The following PHACTR3 variants were observed in gnomAD, a reference collection of about 807,000 sequenced individuals.
PHACTR3 encodes the protein protein phosphatase 1, regulatory subunit 123.
PHACTR3 carries 16 observed loss-of-function variants against 66.8 expected under a neutral mutation model. The observed-to-expected ratio is 0.24, with a 90% CI of 0.16 to 0.36. The LOEUF (loss-of-function observed/expected upper bound fraction) is 0.36. PHACTR3 is among the 10% of genes least tolerant of loss of function. The pLI is 1.00. For missense variants in PHACTR3, 647 were observed against 719.9 expected (o/e 0.90, Z 1.16); for synonymous variants, 323 against 292.1 (o/e 1.11, Z -1.08).
intron 1 of PHACTR3, among the ~76,000 whole-genome samples, chr20:59,653,219 C>T (rs2035513623): frequency 1.3e-5 from 2 of 148,738 alleles, no homozygotes; most frequent in Admixed American, 6.7e-5. Context: ...GAGTCTTGCT[C>T]TGGCACCCAG....
intron 1 of PHACTR3, among the ~76,000 whole-genome samples, chr20:59,705,092 G>A (rs2037652511): frequency 6.6e-6 from 1 of 151,954 alleles, no homozygotes; most frequent in African/African-American, 2.4e-5. Flanking sequence ...AAGTAGCTGG[G>A]ATTACAGGTG....
intron 1 of PHACTR3, among the ~76,000 whole-genome samples, chr20:59,689,705 T>A (rs897113644): frequency 2.9e-4 from 44 of 152,160 alleles, no homozygotes; most frequent in African/African-American, 9.7e-4. Context: ...ATCCCTCTTG[T>A]AGAGTTCCAG....
rs2033603701 is a variant in PHACTR3, at chr20:59,604,903, T to G, written c.-112T>G. ...TTTTTTTTTTTTTTTTTTTTTTAAT[T>G]TTCTTTTTTAAAAAGACGCCCCCTC... On this transcript the variant is annotated 5_prime_UTR_variant, in exon 1 of 13. It adds an upstream start codon to the 5' untranslated region. Transcript: ENST00000371015. The G allele has an allele frequency of 9.0e-7, 1 of 1,111,370 alleles. No homozygotes were observed. The highest frequency in any genetic ancestry group is 1.1e-6 in the Non-Finnish European group (1 of 911,092). The allele number at this position is 1,111,370 out of a possible 1,614,324, so 68.8% of individuals were successfully genotyped here.
intron 1 of PHACTR3, among the ~76,000 whole-genome samples, chr20:59,650,363 A>G (rs1021475497): frequency 4.6e-5 from 7 of 151,922 alleles, no homozygotes; most frequent in Non-Finnish European, 1.0e-4. Flanking sequence ...TGTCTTTTGC[A>G]TTATATTGAT....
intron 6 of PHACTR3, 63 bp from the exon 7 acceptor site, chr20:59,774,180 C>A (rs202149173): frequency 1.2e-4 from 182 of 1,516,988 alleles, no homozygotes; most frequent in Non-Finnish European, 1.5e-4. Flanking sequence ...GCTCCAAAGT[C>A]AATCGTGCTG....
chr20:59,750,106 C>T (rs2146798179), intron 3 of PHACTR3, among the ~76,000 whole-genome samples: 1 of 152,178 alleles, frequency 6.6e-6, no homozygotes, highest in Non-Finnish European at 1.5e-5. Flanking sequence ...GTTCTGAACG[C>T]ACATCCAGTG....
chr20:59,587,853 A>G (rs13045071), intron 1 of PHACTR3, among the ~76,000 whole-genome samples: 36,505 of 152,142 alleles, frequency 0.24, 4,623 homozygotes, highest in Admixed American at 0.27. Flanking sequence ...CAAGGCCAGC[A>G]AGGGTGGCTG....
chr20:59,670,966 G>A (rs2036175819), intron 1 of PHACTR3, among the ~76,000 whole-genome samples: 4 of 152,170 alleles, frequency 2.6e-5, no homozygotes, highest in Admixed American at 2.6e-4. Flanking sequence ...AAGGGCTAGA[G>A]GCATGCTTTC....
intron 1 of PHACTR3, among the ~76,000 whole-genome samples, chr20:59,584,751 G>A (rs1191638426): frequency 6.6e-6 from 1 of 152,102 alleles, no homozygotes; most frequent in Admixed American, 6.5e-5. Context: ...GAAGGCTCCT[G>A]GCCTCCCGTG....
At chr20:59,640,852 A>C (rs1000956808) in intron 1 of PHACTR3, among the ~76,000 whole-genome samples, 1 of 152,190 alleles carries the variant, frequency 6.6e-6, no homozygotes, top group South Asian at 2.1e-4. Context: ...TGTCTTTGAA[A>C]AGCAAGCATT....
chr20:59,723,782 G>A (rs144324078), intron 1 of PHACTR3, among the ~76,000 whole-genome samples: 5 of 151,978 alleles, frequency 3.3e-5, no homozygotes, highest in Admixed American at 6.5e-5. Context: ...ATGGTGACTC[G>A]GTCTCTGGGG....
chr20:59,827,913 G>A (rs534658390), intron 8 of PHACTR3, among the ~76,000 whole-genome samples: 8 of 152,132 alleles, frequency 5.3e-5, no homozygotes, highest in South Asian at 4.1e-4. Flanking sequence ...CAGGCCAGCC[G>A]TTCTGTTGCC....
At chr20:59,625,424 C>T (rs957607175) in intron 1 of PHACTR3, among the ~76,000 whole-genome samples, 5 of 152,136 alleles carry the variant, frequency 3.3e-5, no homozygotes, top group East Asian at 1.9e-4. Flanking sequence ...ATGCACTCTC[C>T]GCAAGTCACT....
At chr20:59,692,329 CT>C (rs2037140717) in intron 1 of PHACTR3, among the ~76,000 whole-genome samples, 1 of 152,210 alleles carries the variant, frequency 6.6e-6, no homozygotes, top group Admixed American at 6.5e-5. Flanking sequence ...CGTGGTTCAG[CT>C]CTGGAGGTGT....
At chr20:59,822,388 G>A (rs374737422) in intron 8 of PHACTR3, among the ~76,000 whole-genome samples, 2 of 149,476 alleles carry the variant, frequency 1.3e-5, no homozygotes, top group African/African-American at 2.5e-5. Context: ...AAGCAGATGC[G>A]GGGGCTGCCT....
At chr20:59,791,050 G>A (rs747777504) in intron 7 of PHACTR3, among the ~76,000 whole-genome samples, 3 of 152,116 alleles carry the variant, frequency 2.0e-5, no homozygotes, top group Non-Finnish European at 4.4e-5. Flanking sequence ...GGAGAGCCTG[G>A]TGAGCACCTT....
chr20:59,836,541 G>A lies in PHACTR3; in HGVS notation c.1365G>A (p.Glu455=), dbSNP rs758583950. ...LSQRPAVEEL[E]RRNILKQRND... ...AAAGACCTGCCGTGGAAGAGCTGGA[G>A]AGAAGAAATATCTTGAAACGTGAGT... Residue 455 remains glutamate (E), a synonymous_variant, in exon 9 of 13, where the codon GAG becomes GAA. Transcript: ENST00000371015. The A allele has an allele frequency of 3.7e-6, 6 of 1,611,782 alleles. No homozygotes were observed. Among genetic ancestry groups the A allele is most frequent in the Non-Finnish European group, 5.1e-6 (6 of 1,179,232 alleles).
intron 3 of PHACTR3, among the ~76,000 whole-genome samples, chr20:59,752,688 TA>T (rs2146810156): frequency 6.9e-6 from 1 of 144,744 alleles, no homozygotes; most frequent in African/African-American, 2.5e-5. Context: ...GACCTTTTTA[TA>T]GTGGCAGTTG....
chr20:59,777,915 C>T (rs2040592713), intron 7 of PHACTR3, among the ~76,000 whole-genome samples: 1 of 152,104 alleles, frequency 6.6e-6, no homozygotes, highest in Non-Finnish European at 1.5e-5. Flanking sequence ...CATGCGTCCA[C>T]GTGGGGACTG....
Sources: allele counts gnomAD v4.1 joint callset (sites outside exome capture counted in the v4.1 genomes callset), GRCh38; gene constraint gnomAD v4.1.1; transcripts MANE v1.5; gene names NCBI Gene and HGNC (gene_info 2026-07-23, HGNC 2026-07-21).